Variants in ABHD4 observed in about 807,000 individuals in gnomAD.
ABHD4 encodes the protein abhydrolase domain containing 4, N-acyl phospholipase B, also known as (Lyso)-N-acylphosphatidylethanolamine lipase.
In ABHD4, 35 loss-of-function variants were observed where a neutral mutation model predicts 42.3. The observed-to-expected ratio is 0.83, with a 90% CI of 0.63 to 1.10. ABHD4 has a LOEUF of 1.10. Ranked by LOEUF, ABHD4 falls within the 50% of genes least tolerant of loss-of-function variation. The pLI is 0.00. For synonymous variants in ABHD4, 169 were observed against 170.6 expected (o/e 0.99, Z 0.07); for missense variants, 389 against 454.8 (o/e 0.86, Z 1.32).
At chr14:22,608,713 T>C (rs1238522388) in intron 5 of ABHD4, among the ~76,000 whole-genome samples, 1 of 152,216 alleles carries the variant, frequency 6.6e-6, no homozygotes, top group Non-Finnish European at 1.5e-5. Context: ...GTTTGTTTGT[T>C]TGTTTTTGAG....
intron 1 of ABHD4, chr14:22,599,031 G>A (rs2037251577): frequency 1.3e-5 from 2 of 152,398 alleles, no homozygotes; most frequent in Admixed American, 1.3e-4. Flanking sequence ...ATAGGAGTAA[G>A]AAAAAGTTGC....
intron 1 of ABHD4, 121 bp downstream of exon 1, chr14:22,598,450 T>A (rs1321114256): frequency 4.2e-6 from 6 of 1,419,726 alleles, no homozygotes; most frequent in Admixed American, 2.1e-5. Flanking sequence ...CAGGTCGGCC[T>A]CCGGGGAGGG....
intron 4 of ABHD4, 130 bp from the exon 5 acceptor site, chr14:22,606,292 A>T: frequency 1.5e-6 from 1 of 672,314 alleles, no homozygotes; most frequent in Non-Finnish European, 2.6e-6. Context: ...CTGTAGTGTT[A>T]AATGAATAAA....
At position 22,606,427 on chromosome 14, in the gene ABHD4, G is replaced by A. The variant is rs760254282; in HGVS notation, c.646G>A (p.Gly216Ser). The change falls in exon 5 of 7, where the codon GGT (glycine) becomes AGT (serine). Residue 216 changes from glycine (G) to serine (S), a missense_variant. Gly to Ser is a moderately conservative substitution (Grantham distance 56, BLOSUM62 0). Transcript: ENST00000428304. ...GTTTTTCTATCCCCTCCCAGGGCCT[G>A]GTCTGGTGCAGCGATTCCGGCCGGA... ...VLRVAGPWGPGLVQRFRPDFK... is the reference protein window; with the variant it reads ...VLRVAGPWGPSLVQRFRPDFK... 6.2e-7 allele frequency: 1 copy of A among 1,611,200 alleles called. No individual in the cohort carries two copies. Among genetic ancestry groups the A allele is most frequent in the East Asian group, 2.2e-5 (1 of 44,854 alleles).
At chr14:22,598,543 C>G (rs2037245030) in intron 1 of ABHD4, 3 of 1,411,496 alleles carry the variant, frequency 2.1e-6, no homozygotes, top group African/African-American at 1.4e-5. Flanking sequence ...GACGCGCTCG[C>G]CCGCAGCCCG....
chr14:22,598,848 A>C (rs2037249103), intron 1 of ABHD4: 2 of 198,834 alleles, frequency 1.0e-5, no homozygotes, highest in Non-Finnish European at 2.0e-5. Context: ...GCTGTCGCCC[A>C]CCGAGACACG....
rs1430415261 is a variant in ABHD4 at position 22,612,734 on chromosome 14, C to G, written c.*1786C>G. 2 of 152,302 alleles carry G rather than the reference C, an allele frequency of 1.3e-5. No homozygotes were observed. The highest frequency in any genetic ancestry group is 2.9e-5 in the Non-Finnish European group (2 of 68,080). 9.4% of individuals were successfully genotyped at this position (152,302 alleles called of 1,614,324 possible). ...TAACTTCCTCTCATCCTCTGGATCTCAGCTCAAATATTCCTTATGCAGAGA... is the reference window on the plus strand; with the variant it reads ...TAACTTCCTCTCATCCTCTGGATCTGAGCTCAAATATTCCTTATGCAGAGA... On this transcript the variant is annotated 3_prime_UTR_variant, in exon 7 of 7. Coordinates refer to ENST00000428304, the MANE Select transcript of ABHD4 (RefSeq NM_022060.3).
chr14:22,603,740 TACTC>T lies in ABHD4; in HGVS notation c.465_468del (p.Tyr155Ter), dbSNP rs1566382140. On this transcript the variant is annotated frameshift_variant, in exon 3 of 7. Coordinates refer to ENST00000428304, the MANE Select transcript of ABHD4 (RefSeq NM_022060.3). LOFTEE classifies it high-confidence loss of function. ...TTTGGGAGGATTCCTGGCCACTTCT[TACTC>T]AATCAAGTACCCTGATAGGTAATAA... 4 of 1,586,968 alleles carry T rather than the reference TACTC, an allele frequency of 2.5e-6. No individual in the cohort carries two copies. Among genetic ancestry groups the T allele is most frequent in the East Asian group, 2.2e-5 (1 of 44,640 alleles).
intron 6 of ABHD4, among the ~76,000 whole-genome samples, chr14:22,610,480 G>A (rs1446130661): frequency 6.6e-6 from 1 of 152,124 alleles, no homozygotes; most frequent in African/African-American, 2.4e-5. Context: ...GAATAGTAGA[G>A]GCTGCCATGA....
intron 2 of ABHD4, among the ~76,000 whole-genome samples, chr14:22,602,902 T>C (rs1477757002): frequency 1.3e-5 from 2 of 152,050 alleles, no homozygotes; most frequent in African/African-American, 4.8e-5. Context: ...CTAGTGGGGA[T>C]TTATAACCAA....
At chr14:22,604,174 C>A in intron 4 of ABHD4, 95 bp downstream of exon 4, 1 of 1,401,468 alleles carries the variant, frequency 7.1e-7, no homozygotes, top group South Asian at 1.3e-5. Flanking sequence ...TGGAAATTGG[C>A]CTAGCCTTGT....
In ABHD4 at chr14:22,603,759, A is replaced by T; in HGVS notation, c.482A>T (p.Asp161Val). The change falls in exon 3 of 7, where the codon GAT becomes GTT. Residue 161 changes from aspartate (D) to valine (V), a missense_variant. This residue lies in a region of ABHD4 where 249 missense variants were observed against 254.4 expected (regional missense o/e 0.98). Transcript: ENST00000428304. ...ACTTCTTACTCAATCAAGTACCCTG[A>T]TAGGTAATAAGGAGATGGCTCCATC... ...LATSYSIKYP[D>V]RVKHLILVDP... 6.3e-7 allele frequency: 1 copy of T among 1,575,830 alleles called. No individual in the cohort carries two copies. Among genetic ancestry groups the T allele is most frequent in the Middle Eastern group, 1.7e-4 (1 of 5,868 alleles).
intron 5 of ABHD4, among the ~76,000 whole-genome samples, chr14:22,607,681 T>A (rs2037364850): frequency 1.3e-5 from 2 of 152,178 alleles, no homozygotes; most frequent in African/African-American, 4.8e-5. Flanking sequence ...ATGGGCTCAG[T>A]GCCTGTCTCA....
chr14:22,601,873 G>A (rs2037289752), intron 2 of ABHD4, 118 bp downstream of exon 2: 2 of 851,546 alleles, frequency 2.3e-6, no homozygotes, highest in Non-Finnish European at 3.8e-6. Flanking sequence ...TGTATGGGGT[G>A]GGAGGAAAGG....
At position 22,603,687 on chromosome 14, in the gene ABHD4, TC is replaced by T. The variant is rs1239505482; in HGVS notation, c.414del (p.Ser139AlafsTer2). On this transcript the variant is annotated frameshift_variant, in exon 3 of 7. Transcript: ENST00000428304. LOFTEE classifies it high-confidence loss of function. ...SIETWRETMG[I>X]PSMILLGHSL... Reference sequence around the variant, plus strand: ...GAGACATGGCGGGAGACCATGGGGATCCCCAGCATGATCCTCCTGGGGCACA... The same window carrying T: ...GAGACATGGCGGGAGACCATGGGGATCCCAGCATGATCCTCCTGGGGCACA... 6.2e-7 allele frequency: 1 copy of T among 1,611,694 alleles called. No homozygotes were observed. Among genetic ancestry groups the T allele is most frequent in the Admixed American group, 1.7e-5 (1 of 59,854 alleles).
Position 22,603,342 on chromosome 14 carries a change from C to T in ABHD4, c.113-48C>T, listed in dbSNP as rs1366933060. 8 of 1,607,596 alleles carry T rather than the reference C, an allele frequency of 5.0e-6. No individual in the cohort carries two copies. The Admixed American group carries it at 1.3e-4, about 27-fold the overall frequency. ...TGGTAGTCCAGGCAAAATGATGATGCCGTCAGGAAACACTTATTGACTTAC... is the reference window on the plus strand; with the variant it reads ...TGGTAGTCCAGGCAAAATGATGATGTCGTCAGGAAACACTTATTGACTTAC... On this transcript the variant is annotated intron_variant, in intron 2 of 6. Coordinates refer to ENST00000428304, the MANE Select transcript of ABHD4 (RefSeq NM_022060.3).
intron 1 of ABHD4, among the ~76,000 whole-genome samples, chr14:22,600,647 G>T (rs1478608738): frequency 6.6e-6 from 1 of 152,150 alleles, no homozygotes; most frequent in African/African-American, 2.4e-5. Flanking sequence ...CAGAGTTCAA[G>T]AAAAGAGAAA....
At chr14:22,603,087 A>G (rs1162009633) in intron 2 of ABHD4, among the ~76,000 whole-genome samples, 1 of 151,754 alleles carries the variant, frequency 6.6e-6, no homozygotes, top group African/African-American at 2.4e-5. Context: ...ATTCTTACTA[A>G]CTGATGTATG....
intron 4 of ABHD4, among the ~76,000 whole-genome samples, chr14:22,604,490 G>A (rs377367209): frequency 1.3e-5 from 2 of 152,174 alleles, no homozygotes; most frequent in Admixed American, 6.5e-5. Context: ...CTCGTGATCC[G>A]CCTGCCTCGG....
Sources: gnomAD v4.1 joint callset for allele counts (sites outside exome capture counted in the v4.1 genomes callset) on GRCh38, gnomAD v4.1.1 for gene constraint, gnomAD v4.1.1 regional missense constraint, MANE v1.5 for transcripts, NCBI Gene and HGNC (gene_info 2026-07-23, HGNC 2026-07-21) for gene names.